BCAR1: variants seen among roughly 807,000 people sequenced by gnomAD.
BCAR1 encodes breast cancer anti-estrogen resistance protein 1.
BCAR1 carries 30 observed loss-of-function variants against 67.6 expected under a neutral mutation model. The observed-to-expected ratio is 0.44, with a 90% CI of 0.33 to 0.60. The LOEUF is 0.60. Ranked by LOEUF, BCAR1 falls within the 20% of genes least tolerant of loss-of-function variation. The pLI is 0.02. For synonymous variants in BCAR1, 626 were observed against 556.7 expected, an observed-to-expected ratio of 1.12 and a Z score of -1.75; for missense variants, 1,313 against 1,222.3, an observed-to-expected ratio of 1.07 and a Z score of -1.11.
At chr16:75,232,721 T>C (rs1214346529) in intron 6 of BCAR1, among the ~76,000 whole-genome samples, 7 of 152,156 alleles carry the variant, frequency 4.6e-5, no homozygotes, top group Admixed American at 4.6e-4. Context: ...GAGATGTCAA[T>C]GTCTAGCCTC....
chr16:75,255,299 C>T (rs1234421518), upstream of BCAR1, among the ~76,000 whole-genome samples: 1 of 152,130 alleles, frequency 6.6e-6, no homozygotes, highest in East Asian at 1.9e-4. Flanking sequence ...GCTCTGGGAG[C>T]GGCAGCAGGA....
At chr16:75,232,739 T>G (rs1409677906) in intron 6 of BCAR1, among the ~76,000 whole-genome samples, 1 of 152,152 alleles carries the variant, frequency 6.6e-6, no homozygotes, top group African/African-American at 2.4e-5. Context: ...CTCTCCTGAG[T>G]GTCTCCATGT....
intron 1 of BCAR1, among the ~76,000 whole-genome samples, chr16:75,265,591 T>A (rs1017120245): frequency 6.6e-6 from 1 of 151,442 alleles, no homozygotes; most frequent in Non-Finnish European, 1.5e-5. Context: ...GAGGGGACAG[T>A]ACGGACCCCA....
At chr16:75,252,225 C>A, upstream of BCAR1, 1 of 1,536,670 alleles carries the variant, frequency 6.5e-7, no homozygotes, top group Non-Finnish European at 8.7e-7. Context: ...TTTTCACGGG[C>A]AGCACCTACC....
intron 1 of BCAR1, chr16:75,265,800 G>A (rs1276743038): frequency 8.4e-7 from 1 of 1,197,282 alleles, no homozygotes; most frequent in East Asian, 3.5e-5. Context: ...AGCCGGCCCG[G>A]GGTCCCGGGC....
chr16:75,265,981 T>C (rs2078002401), intron 1 of BCAR1: 2 of 1,050,946 alleles, frequency 1.9e-6, no homozygotes, highest in Non-Finnish European at 1.1e-6. Flanking sequence ...CGCCGGACTG[T>C]CCGGCCGCTC....
At chr16:75,247,008 C>T (rs1055610595) in intron 1 of BCAR1, 1 of 152,290 alleles carries the variant, frequency 6.6e-6, no homozygotes, top group African/African-American at 2.4e-5. Context: ...TCTCTGGTAC[C>T]CTACTCCTGC....
intron 1 of BCAR1, among the ~76,000 whole-genome samples, chr16:75,261,880 C>T (rs2077914174): frequency 6.6e-6 from 1 of 152,216 alleles, no homozygotes; most frequent in African/African-American, 2.4e-5. Flanking sequence ...ACTGCACTAG[C>T]CAACCATGGC....
chr16:75,264,380 C>T (rs2077962288), intron 1 of BCAR1: 5 of 1,532,188 alleles, frequency 3.3e-6, no homozygotes, highest in African/African-American at 2.7e-5. Flanking sequence ...GGTGGTCCGC[C>T]TTGTCCCTCT....
rs774063676 is a variant in BCAR1, at chr16:75,235,009, G to A, written c.1890C>T (p.Ser630=). Residue 630 remains serine (S), a synonymous_variant, in exon 5 of 7, where the codon AGC becomes AGT. Coordinates refer to ENST00000162330, the MANE Select transcript of BCAR1 (RefSeq NM_014567.5). Reference sequence around the variant, plus strand: ...AGGGCAGGGGTCGTGACTGGATGCTGCTGGTCTTGTCAGTGGGGTTGGGGT... The same window carrying A: ...AGGGCAGGGGTCGTGACTGGATGCTACTGGTCTTGTCAGTGGGGTTGGGGT... ...TLHPNPTDKT[S]SIQSRPLPSP... 3 of 1,612,814 alleles carry A rather than the reference G, an allele frequency of 1.9e-6. No homozygotes were observed. The South Asian group carries it at 3.3e-5, about 18-fold the overall frequency.
At chr16:75,257,610 A>G (rs530504183) in intron 1 of BCAR1, among the ~76,000 whole-genome samples, 13 of 152,282 alleles carry the variant, frequency 8.5e-5, no homozygotes, top group African/African-American at 3.1e-4. Flanking sequence ...GTGCACCGCC[A>G]TGCCTGGCTA....
chr16:75,232,686 C>T (rs1344408478), intron 6 of BCAR1, among the ~76,000 whole-genome samples: 1 of 152,160 alleles, frequency 6.6e-6, no homozygotes, highest in African/African-American at 2.4e-5. Context: ...TCAGCCCCCA[C>T]CCCCTGCCAC....
In BCAR1 at chr16:75,239,963, C is replaced by T. The variant is rs148727955; in HGVS notation, c.633+2507G>A. ...CACTACCTGAGCGACCTCCCACAGA[C>T]GCCTTCCCCCGGGGGTCCCATCTGA... is the stretch of plus-strand genomic sequence containing the variant. On this transcript the variant is annotated intron_variant, in intron 2 of 6. Transcript: ENST00000162330. Among the ~76,000 whole-genome samples the T allele has an allele frequency of 1.8e-4, 28 of 152,302 alleles. 1 individual carries two copies. The East Asian group carries it at 3.7e-3, about 20-fold the overall frequency.
At chr16:75,243,837 G>C (rs751397902) in intron 1 of BCAR1, among the ~76,000 whole-genome samples, 3 of 152,216 alleles carry the variant, frequency 2.0e-5, no homozygotes, top group Non-Finnish European at 2.9e-5. Context: ...CCCAGGCAGG[G>C]AGGCCTCGCA....
At chr16:75,238,358 G>C (rs2077215126) in intron 2 of BCAR1, 2 of 1,106,116 alleles carry the variant, frequency 1.8e-6, no homozygotes, top group Non-Finnish European at 2.2e-6. Flanking sequence ...AAGACCTTTT[G>C]TTCCTTCATC....
chr16:75,263,705 C>T, intron 1 of BCAR1: 2 of 985,576 alleles, frequency 2.0e-6, no homozygotes, highest in Non-Finnish European at 2.4e-6. Context: ...CCTGCTGCGT[C>T]AGCCCATCTA....
chr16:75,239,313 G>A (rs778119322), intron 2 of BCAR1, among the ~76,000 whole-genome samples: 3 of 152,104 alleles, frequency 2.0e-5, no homozygotes, highest in African/African-American at 7.2e-5. Context: ...AGACCCACAC[G>A]GTCTCTGACA....
chr16:75,243,176 G>A (rs1423255124), intron 1 of BCAR1, 86 bp from the exon 2 acceptor site: 7 of 1,394,308 alleles, frequency 5.0e-6, no homozygotes, highest in East Asian at 2.3e-5. Flanking sequence ...CTCTGGGGAG[G>A]TGCCCAGCTT....
chr16:75,246,084 A>ACC (rs3971235), intron 1 of BCAR1: 21,575 of 138,702 alleles, frequency 0.16, 1,842 homozygotes, highest in East Asian at 0.36. Flanking sequence ...CACCTCAGCC[A>ACC]CCTCCCACCT....
Sources: allele counts gnomAD v4.1 joint callset (sites outside exome capture counted in the v4.1 genomes callset), GRCh38; gene constraint gnomAD v4.1.1; transcripts MANE v1.5; gene names NCBI Gene and HGNC (gene_info 2026-07-23, HGNC 2026-07-21).